The following PARP4 variants were observed in gnomAD, a reference collection of about 807,000 sequenced individuals.
PARP4 encodes poly(ADP-ribose) polymerase family member 4, also known as protein mono-ADP-ribosyltransferase PARP4.
A neutral mutation model predicts 187.7 loss-of-function variants in PARP4; 120 were observed. The observed-to-expected ratio is 0.64, with a 90% CI of 0.55 to 0.74. The LOEUF (loss-of-function observed/expected upper bound fraction) is 0.74. PARP4 is among the 30% of genes least tolerant of loss of function. The pLI, the probability that PARP4 is intolerant of heterozygous loss-of-function variation, is 0.00. For missense variants in PARP4, 1,836 were observed against 2,070.5 expected, an observed-to-expected ratio of 0.89 and a Z score of 2.20; for synonymous variants, 654 against 740.9, an observed-to-expected ratio of 0.88 and a Z score of 1.90.
At chr13:24,480,457 G>A (rs750413360) in intron 12 of PARP4, among the ~76,000 whole-genome samples, 1 of 152,196 alleles carries the variant, frequency 6.6e-6, no homozygotes, top group Non-Finnish European at 1.5e-5. Flanking sequence ...GGCTTGGTGA[G>A]GAAGGCATGT....
chr13:24,426,946 A>G (rs969810045), intron 32 of PARP4, among the ~76,000 whole-genome samples: 8 of 151,700 alleles, frequency 5.3e-5, no homozygotes, highest in Non-Finnish European at 1.0e-4. Context: ...ATCACAGTAC[A>G]TGAGCAGATC....
At chr13:24,503,835 GAATT>G (rs879210855) in intron 1 of PARP4, 58 bp from the exon 2 acceptor site, 2 of 1,463,726 alleles carry the variant, frequency 1.4e-6, no homozygotes, top group South Asian at 2.3e-5. Context: ...AGTGAATTTA[GAATT>G]ATTATACAAG....
chr13:24,447,247 C>T (rs1295402036), intron 25 of PARP4, 61 bp from the exon 26 acceptor site: 8 of 1,243,654 alleles, frequency 6.4e-6, no homozygotes, highest in South Asian at 1.6e-5. Context: ...AGTTACTTCA[C>T]ATTTAAAATA....
At chr13:24,455,556 C>T (rs1292257636) in intron 21 of PARP4, among the ~76,000 whole-genome samples, 1 of 143,352 alleles carries the variant, frequency 7.0e-6, no homozygotes, top group East Asian at 2.0e-4. Context: ...CTAAAATACA[C>T]ACACATACCT....
chr13:24,509,276 T>C (rs1159774148), intron 1 of PARP4, among the ~76,000 whole-genome samples: 1 of 152,124 alleles, frequency 6.6e-6, no homozygotes, highest in African/African-American at 2.4e-5. Context: ...GGAGACCAAG[T>C]GGAGCAAATC....
intron 30 of PARP4, among the ~76,000 whole-genome samples, chr13:24,438,894 C>T (rs1395684830): frequency 2.6e-5 from 4 of 152,158 alleles, no homozygotes; most frequent in Admixed American, 6.5e-5. Flanking sequence ...GTGTAGAATG[C>T]GGCAGGTGCC....
intron 30 of PARP4, among the ~76,000 whole-genome samples, chr13:24,440,580 G>A (rs1870874414): frequency 6.6e-6 from 1 of 152,078 alleles, no homozygotes; most frequent in South Asian, 2.1e-4. Flanking sequence ...TAGACGTGTT[G>A]GAATGGTCTT....
chr13:24,506,876 A>T (rs1197343947), intron 1 of PARP4, among the ~76,000 whole-genome samples: 2 of 152,166 alleles, frequency 1.3e-5, no homozygotes, highest in South Asian at 2.1e-4. Context: ...CTCCTGCGGG[A>T]CGCTCGTGCT....
chr13:24,484,478 G>A (rs1194027230), intron 12 of PARP4, among the ~76,000 whole-genome samples, 175 bp downstream of exon 12: 1 of 152,112 alleles, frequency 6.6e-6, no homozygotes, highest in African/African-American at 2.4e-5. Context: ...TGGCATAAGG[G>A]CAGATTTAAA....
chr13:24,509,515 A>AG (rs1203610909), intron 1 of PARP4, among the ~76,000 whole-genome samples: 1 of 151,448 alleles, frequency 6.6e-6, no homozygotes, highest in African/African-American at 2.4e-5. Flanking sequence ...AAAAAAAAAA[A>AG]AGAGAGAAAA....
chr13:24,484,659 G>A lies in PARP4; in HGVS notation c.1442C>T (p.Ser481Leu), dbSNP rs1229563508. Residue 481 changes from serine (S) to leucine (L), a missense_variant, in exon 12 of 34, where the codon TCG becomes TTG. By Grantham distance (145) the Ser-to-Leu change is moderately radical. This residue lies in a region of PARP4 where 1,147 missense variants were observed against 1,214.2 expected (regional missense o/e 0.94). Coordinates refer to ENST00000381989, the MANE Select transcript of PARP4 (RefSeq NM_006437.4). ...NLGSGIYFSD[S>L]LSTSIKYSHP... ...GATTAAGGATCGAACATACCTGAGC[G>A]AATCACTGAAATAAATCCCACTTCC... The A allele has an allele frequency of 8.1e-6, 13 of 1,603,716 alleles. No individual in the cohort carries two copies. The Admixed American group carries it at 8.3e-5, about 10-fold the overall frequency.
At chr13:24,481,453 G>A (rs751287325) in intron 12 of PARP4, among the ~76,000 whole-genome samples, 1 of 152,212 alleles carries the variant, frequency 6.6e-6, no homozygotes. Flanking sequence ...AGCACTTTGG[G>A]AGGCCAAGGC....
At chr13:24,425,599 CTA>C (rs138449687) in intron 33 of PARP4, among the ~76,000 whole-genome samples, 1 of 138,018 alleles carries the variant, frequency 7.2e-6, no homozygotes, top group South Asian at 2.1e-4. Flanking sequence ...ATATCTATAT[CTA>C]TATCTATATA....
At chr13:24,426,623 G>A in intron 32 of PARP4, 25 bp from the exon 33 acceptor site, 1 of 1,602,348 alleles carries the variant, frequency 6.2e-7, no homozygotes, top group South Asian at 1.1e-5. Flanking sequence ...ACTCCGTTAA[G>A]TCTGTTGGAA....
intron 21 of PARP4, 46 bp downstream of exon 21, chr13:24,456,295 C>G: frequency 6.7e-7 from 1 of 1,482,888 alleles, no homozygotes. Flanking sequence ...TATTCTGAAA[C>G]ATTTTTTCAA....
At chr13:24,424,866 G>A (rs1266146543) in intron 33 of PARP4, among the ~76,000 whole-genome samples, 1 of 149,836 alleles carries the variant, frequency 6.7e-6, no homozygotes, top group Non-Finnish European at 1.5e-5. Flanking sequence ...ATTTTTTTTA[G>A]TAGAGACAGG....
chr13:24,428,762 T>C (rs35753479), intron 32 of PARP4, among the ~76,000 whole-genome samples: 142,683 of 152,272 alleles, frequency 0.94, 66,990 homozygotes, highest in East Asian at 0.99. Context: ...TGTGAGCCAC[T>C]GTGCCTGGCT....
At chr13:24,501,574 A>G in intron 3 of PARP4, 59 bp downstream of exon 3, 1 of 1,174,074 alleles carries the variant, frequency 8.5e-7, no homozygotes, top group South Asian at 1.3e-5. Flanking sequence ...ATCTTTGACA[A>G]ACCCAAGCGT....
intron 10 of PARP4, among the ~76,000 whole-genome samples, chr13:24,487,222 T>G (rs1288364642): frequency 6.7e-6 from 1 of 149,800 alleles, no homozygotes; most frequent in East Asian, 2.0e-4. Context: ...ATCACGCCAT[T>G]GCACTCCAGC....
Sources: allele counts gnomAD v4.1 joint callset (sites outside exome capture counted in the v4.1 genomes callset), GRCh38; gene constraint gnomAD v4.1.1; regional missense constraint gnomAD v4.1.1; transcripts MANE v1.5; gene names NCBI Gene and HGNC (gene_info 2026-07-23, HGNC 2026-07-21).